The following PAPPA variants were observed in gnomAD, a reference collection of about 807,000 sequenced individuals.
The protein encoded by PAPPA is pappalysin 1, also known as pappalysin-1.
A neutral mutation model predicts 164.0 loss-of-function variants in PAPPA; 60 were observed. The ratio of observed to expected loss-of-function variants is 0.37; its 90% CI spans 0.30 to 0.45. The LOEUF is 0.45. Among genes scored for constraint, PAPPA ranks in the 20% least tolerant of loss-of-function variants. The pLI, the probability that PAPPA is intolerant of heterozygous loss-of-function variation, is 1.00. For synonymous variants in PAPPA, 875 were observed against 814.1 expected, an observed-to-expected ratio of 1.07 and a Z score of -1.27; for missense variants, 1,782 against 2,087.3, an observed-to-expected ratio of 0.85 and a Z score of 2.85.
intron 2 of PAPPA, among the ~76,000 whole-genome samples, chr9:116,204,531 C>T (rs545559567): frequency 6.6e-6 from 1 of 152,278 alleles, no homozygotes; most frequent in African/African-American, 2.4e-5. Context: ...CCTCCTGTCT[C>T]GGCCTCCGAA....
chr9:116,295,553 C>CAA (rs56171405), intron 9 of PAPPA, among the ~76,000 whole-genome samples: 2,932 of 114,304 alleles, frequency 0.026, 51 homozygotes, highest in Non-Finnish European at 0.036. Context: ...GACTCGGTCT[C>CAA]AAAAAAAAAA....
At chr9:116,179,927 G>A (rs1843883548) in intron 1 of PAPPA, among the ~76,000 whole-genome samples, 1 of 152,140 alleles carries the variant, frequency 6.6e-6, no homozygotes. Flanking sequence ...TTAGCCTCAT[G>A]AAAGAAACCA....
At chr9:116,273,767 C>T (rs1845164691) in intron 9 of PAPPA, among the ~76,000 whole-genome samples, 1 of 152,094 alleles carries the variant, frequency 6.6e-6, no homozygotes, top group Non-Finnish European at 1.5e-5. Flanking sequence ...GAGCGAGACC[C>T]TGTCTCAAAA....
At chr9:116,334,768 G>C in intron 12 of PAPPA, 93 bp from the exon 13 acceptor site, 1 of 848,830 alleles carries the variant, frequency 1.2e-6, no homozygotes. Context: ...GACATGAAAG[G>C]GTCTGGGGGC....
chr9:116,236,540 C>T (rs911034347), intron 7 of PAPPA, among the ~76,000 whole-genome samples: 5 of 146,948 alleles, frequency 3.4e-5, no homozygotes, highest in African/African-American at 1.3e-4. Flanking sequence ...GAACCGAGAT[C>T]ATGCCATTGC....
intron 13 of PAPPA, among the ~76,000 whole-genome samples, chr9:116,335,309 C>A (rs926298561): frequency 6.6e-6 from 1 of 152,278 alleles, no homozygotes; most frequent in East Asian, 1.9e-4. Context: ...ACCTGGCTTG[C>A]AGCGGCAGAA....
intron 21 of PAPPA, among the ~76,000 whole-genome samples, chr9:116,394,651 A>C (rs754848150): frequency 6.6e-6 from 1 of 152,204 alleles, no homozygotes; most frequent in Non-Finnish European, 1.5e-5. Flanking sequence ...TCTAGATTCT[A>C]GATGGAATAT....
chr9:116,344,381 G>T (rs1386264646), intron 13 of PAPPA, among the ~76,000 whole-genome samples, 162 bp from the exon 14 acceptor site: 1 of 152,120 alleles, frequency 6.6e-6, no homozygotes, highest in Non-Finnish European at 1.5e-5. Flanking sequence ...AACTTTAATC[G>T]CTGCCTCTAG....
intron 10 of PAPPA, among the ~76,000 whole-genome samples, chr9:116,315,071 G>GCTGC (rs1845771364): frequency 6.6e-6 from 1 of 152,176 alleles, no homozygotes. Context: ...GGGAACAATA[G>GCTGC]CTGCTGGGTG....
At chr9:116,225,239 G>T (rs1192431622) in intron 5 of PAPPA, among the ~76,000 whole-genome samples, 4 of 152,174 alleles carry the variant, frequency 2.6e-5, no homozygotes, top group Admixed American at 6.5e-5. Flanking sequence ...CACTATGCGT[G>T]GATTGTGGTC....
At chr9:116,258,815 A>T (rs1398195549) in intron 7 of PAPPA, among the ~76,000 whole-genome samples, 2 of 152,124 alleles carry the variant, frequency 1.3e-5, no homozygotes, top group Non-Finnish European at 2.9e-5. Flanking sequence ...GGGGAAAAAC[A>T]ATCCTTATTT....
At chr9:116,207,661 G>A (rs570302109) in intron 3 of PAPPA, 60 bp downstream of exon 3, 9 of 1,253,502 alleles carry the variant, frequency 7.2e-6, no homozygotes, top group African/African-American at 4.5e-5. Flanking sequence ...CACTTAGTGC[G>A]ATGATGATCA....
chr9:116,386,727 C>T (rs757274074), intron 21 of PAPPA, among the ~76,000 whole-genome samples: 1 of 152,176 alleles, frequency 6.6e-6, no homozygotes, highest in Non-Finnish European at 1.5e-5. Context: ...TGGTTGGAAA[C>T]ATTTCACCAT....
At position 116,207,438 on chromosome 9, in the gene PAPPA, G is replaced by T; in HGVS notation, c.1479-18G>T. The T allele has an allele frequency of 2.5e-6, 4 of 1,597,860 alleles. No individual in the cohort carries two copies. Among genetic ancestry groups the T allele is most frequent in the Non-Finnish European group, 3.4e-6 (4 of 1,171,688 alleles). On this transcript the variant is annotated intron_variant, in intron 2 of 21. Transcript: ENST00000328252. ...TTTTGGGGGCATGATAACAGCCAAGGTTCTTTTTCTGTTTCAGAGCCTACT... is the reference window on the plus strand; with the variant it reads ...TTTTGGGGGCATGATAACAGCCAAGTTTCTTTTTCTGTTTCAGAGCCTACT...
intron 21 of PAPPA, among the ~76,000 whole-genome samples, chr9:116,384,404 A>C (rs573482725): frequency 2.0e-5 from 3 of 151,944 alleles, no homozygotes; most frequent in Admixed American, 2.0e-4. Context: ...GCAATGAGCC[A>C]TGATCATACC....
intron 1 of PAPPA, among the ~76,000 whole-genome samples, chr9:116,180,138 A>T (rs753163037): frequency 5.3e-4 from 81 of 152,084 alleles, no homozygotes; most frequent in Non-Finnish European, 8.1e-4. Flanking sequence ...TCTTGGAGTC[A>T]CAGAATGTGG....
intron 10 of PAPPA, among the ~76,000 whole-genome samples, chr9:116,326,402 G>T (rs1353295826): frequency 6.6e-6 from 1 of 152,164 alleles, no homozygotes; most frequent in Admixed American, 6.5e-5. Context: ...TGGGGAAGCT[G>T]CTTATAGGGT....
intron 9 of PAPPA, among the ~76,000 whole-genome samples, chr9:116,274,752 T>G (rs1467284013): frequency 6.6e-6 from 1 of 152,196 alleles, no homozygotes; most frequent in East Asian, 1.9e-4. Context: ...GCCCAACGCT[T>G]AGTATAGAAG....
chr9:116,213,847 G>C (rs891658599), intron 4 of PAPPA, among the ~76,000 whole-genome samples: 1 of 152,128 alleles, frequency 6.6e-6, no homozygotes, highest in African/African-American at 2.4e-5. Context: ...TGTTTTCCTT[G>C]GGATTTCTGA....
Sources: gnomAD v4.1 joint callset for allele counts (sites outside exome capture counted in the v4.1 genomes callset) on GRCh38, gnomAD v4.1.1 for gene constraint, MANE v1.5 for transcripts, NCBI Gene and HGNC (gene_info 2026-07-23, HGNC 2026-07-21) for gene names.